Variants in IGF1R observed in about 807,000 individuals in gnomAD.
The protein encoded by IGF1R is insulin like growth factor 1 receptor, also known as insulin-like growth factor 1 receptor.
Under a neutral mutation model 144.6 loss-of-function variants are expected in IGF1R, and 44 were observed. That is an observed-to-expected ratio of 0.30 (90% CI 0.24 to 0.39). The LOEUF (loss-of-function observed/expected upper bound fraction) is 0.39, where lower values mean the gene tolerates loss of function less well. IGF1R is among the 10% of genes least tolerant of loss of function. The pLI, the probability that IGF1R is intolerant of heterozygous loss-of-function variation, is 1.00. For missense variants in IGF1R, 1,355 were observed against 1,833.7 expected (o/e 0.74, Z 4.77); for synonymous variants, 795 against 722.8 (o/e 1.10, Z -1.60).
intron 2 of IGF1R, among the ~76,000 whole-genome samples, chr15:98,776,408 A>G (rs2055717198): frequency 6.6e-6 from 1 of 150,670 alleles, no homozygotes; most frequent in Admixed American, 6.6e-5. Context: ...CTGGTCTTGA[A>G]CTCCTGACCT....
chr15:98,765,098 G>A (rs1228809974), intron 2 of IGF1R, among the ~76,000 whole-genome samples: 1 of 151,972 alleles, frequency 6.6e-6, no homozygotes, highest in Non-Finnish European at 1.5e-5. Flanking sequence ...CTTTCACTTA[G>A]CATAATATTT....
intron 1 of IGF1R, among the ~76,000 whole-genome samples, chr15:98,664,908 C>T (rs1196396306): frequency 6.6e-6 from 1 of 150,406 alleles, no homozygotes; most frequent in African/African-American, 2.4e-5. Context: ...ATGTTTTGCT[C>T]CTAGCTACAT....
chr15:98,831,710 G>A (rs573325472), intron 2 of IGF1R, among the ~76,000 whole-genome samples: 13 of 152,222 alleles, frequency 8.5e-5, no homozygotes, highest in African/African-American at 3.1e-4. Flanking sequence ...GGTATTGGGG[G>A]TGTAGGAGTA....
chr15:98,835,182 AACCTACACCCACACACCTTCCCACACAG>A (rs1567152974), intron 2 of IGF1R, among the ~76,000 whole-genome samples: 1 of 132,884 alleles, frequency 7.5e-6, no homozygotes, highest in African/African-American at 3.2e-5. Flanking sequence ...TTCCCACACA[AACCTACACCCACACACCTTCCCACACAG>A]ACCTACACCC....
chr15:98,886,469 A>T (rs975768311), intron 2 of IGF1R, among the ~76,000 whole-genome samples: 2 of 152,114 alleles, frequency 1.3e-5, no homozygotes, highest in African/African-American at 4.8e-5. Flanking sequence ...GAATAGAAGG[A>T]TCTCATGGGC....
chr15:98,674,006 T>C (rs2052967207), intron 1 of IGF1R, among the ~76,000 whole-genome samples: 1 of 152,210 alleles, frequency 6.6e-6, no homozygotes, highest in Non-Finnish European at 1.5e-5. Flanking sequence ...CAAGTTTCAT[T>C]GGCAGAGTGA....
chr15:98,788,906 A>C lies in IGF1R; in HGVS notation c.640+80799A>C, dbSNP rs552919355. Among the ~76,000 whole-genome samples the C allele has an allele frequency of 2.0e-5, 3 of 149,408 alleles. No individual in the cohort carries two copies. The South Asian group carries it at 6.4e-4, about 32-fold the overall frequency. ...CCATTTCTCCGTAGTTATTTCTAGCATTTTTTTTTCAGCTGATGAAAGCAA... is the reference window on the plus strand; with the variant it reads ...CCATTTCTCCGTAGTTATTTCTAGCCTTTTTTTTTCAGCTGATGAAAGCAA... On this transcript the variant is annotated intron_variant, in intron 2 of 20. Coordinates refer to ENST00000650285, the MANE Select transcript of IGF1R (RefSeq NM_000875.5).
chr15:98,935,198 AC>A lies in IGF1R; in HGVS notation c.3187-116del. 1.0e-6 allele frequency: 1 copy of A among 957,132 alleles called. No homozygotes were observed. The highest frequency in any genetic ancestry group is 1.7e-6 in the Non-Finnish European group (1 of 605,682). The allele number at this position is 957,132 out of a possible 1,614,324, so 59.3% of individuals were successfully genotyped here. A position where few individuals can be genotyped will look rare whatever the true frequency, so the allele number is the denominator to read the frequency against. ...ATAGTTACCCCATTACCTCACTGCT[AC>A]CTTCAGACCCCTGTGCTCAGACCAG... On this transcript the variant is annotated intron_variant, in intron 16 of 20. Coordinates refer to ENST00000650285, the MANE Select transcript of IGF1R (RefSeq NM_000875.5). This position sits in a 1 kb window ranked among gnomAD's most constrained non-coding sequence, Gnocchi z 4.2.
At chr15:98,916,540 C>T (rs2015258413) in intron 9 of IGF1R, 132 bp from the exon 10 acceptor site, 5 of 854,782 alleles carry the variant, frequency 5.8e-6, no homozygotes, top group Admixed American at 2.0e-5. Context: ...GGGATTATAG[C>T]CTTGAGCCAC....
Position 98,957,495 on chromosome 15 carries a change from G to T in IGF1R, c.*53G>T. On this transcript the variant is annotated 3_prime_UTR_variant, in exon 21 of 21. Transcript: ENST00000650285. ...GTAACGTGTGCGCACGCGCAGCGGG[G>T]TGGGGGGGGAGAGAGAGTTTTAACA... The T allele has an allele frequency of 6.2e-7, 1 of 1,608,560 alleles. No individual in the cohort carries two copies.
intron 1 of IGF1R, among the ~76,000 whole-genome samples, chr15:98,661,789 T>C (rs2052604015): frequency 6.6e-6 from 1 of 152,094 alleles, no homozygotes; most frequent in African/African-American, 2.4e-5. Flanking sequence ...CAATAGATAA[T>C]GTATCCAAGC....
intron 11 of IGF1R, among the ~76,000 whole-genome samples, chr15:98,922,988 G>A (rs1455938419): frequency 1.2e-4 from 19 of 152,220 alleles, no homozygotes; most frequent in Non-Finnish European, 2.9e-5. Flanking sequence ...TCCTTTAGTA[G>A]GCCTCAGGTG....
At chr15:98,657,732 G>A (rs567088905) in intron 1 of IGF1R, among the ~76,000 whole-genome samples, 6 of 152,250 alleles carry the variant, frequency 3.9e-5, no homozygotes, top group African/African-American at 1.2e-4. Context: ...GATACAATTG[G>A]GATTTTCTTT....
chr15:98,728,305 G>A (rs1337430212), intron 2 of IGF1R, among the ~76,000 whole-genome samples: 1 of 152,106 alleles, frequency 6.6e-6, no homozygotes, highest in Admixed American at 6.5e-5. Flanking sequence ...TGGCCGGGCT[G>A]GGTGGGGATG....
At chr15:98,838,218 T>A (rs1483216674) in intron 2 of IGF1R, among the ~76,000 whole-genome samples, 1 of 152,250 alleles carries the variant, frequency 6.6e-6, no homozygotes, top group African/African-American at 2.4e-5. Context: ...TGTGATTATC[T>A]GTGTATTTCA....
chr15:98,878,570 C>T (rs773500774), intron 2 of IGF1R, among the ~76,000 whole-genome samples: 1 of 142,176 alleles, frequency 7.0e-6, no homozygotes, highest in Admixed American at 7.4e-5. Flanking sequence ...GGTGTCTTTA[C>T]GTACACATGC....
chr15:98,920,301 C>A (rs7182342), intron 10 of IGF1R, among the ~76,000 whole-genome samples: 1 of 152,086 alleles, frequency 6.6e-6, no homozygotes, highest in Non-Finnish European at 1.5e-5. Context: ...TGTCACCTCC[C>A]TCCCCTTGTC....
chr15:98,727,285 G>A (rs2054384713), intron 2 of IGF1R, among the ~76,000 whole-genome samples: 1 of 152,166 alleles, frequency 6.6e-6, no homozygotes, highest in Non-Finnish European at 1.5e-5. Flanking sequence ...AATATATGAA[G>A]AGTCAGGAAG....
chr15:98,938,234 G>A (rs2016232546), intron 17 of IGF1R, among the ~76,000 whole-genome samples: 1 of 152,214 alleles, frequency 6.6e-6, no homozygotes, highest in African/African-American at 2.4e-5. Flanking sequence ...GGAAAAGCCT[G>A]GGCATGCTCA....
Sources: gnomAD v4.1 joint callset for allele counts (sites outside exome capture counted in the v4.1 genomes callset) on GRCh38, gnomAD v4.1.1 for gene constraint, Gnocchi (gnomAD v3.1) non-coding constraint, MANE v1.5 for transcripts, NCBI Gene and HGNC (gene_info 2026-07-23, HGNC 2026-07-21) for gene names.